The following FUT8 variants were observed in gnomAD, a reference collection of about 807,000 sequenced individuals.
FUT8 encodes the protein alpha-(1,6)-fucosyltransferase.
Under a neutral mutation model 71.3 loss-of-function variants are expected in FUT8, and 29 were observed. The observed-to-expected ratio is 0.41, with a 90% CI of 0.30 to 0.55. The LOEUF (loss-of-function observed/expected upper bound fraction) is 0.55. Ranked by LOEUF, FUT8 falls within the 20% of genes least tolerant of loss-of-function variation. FUT8 has a pLI of 0.34. For synonymous variants in FUT8, 254 were observed against 239.3 expected, an observed-to-expected ratio of 1.06 and a Z score of -0.57; for missense variants, 544 against 702.1, an observed-to-expected ratio of 0.77 and a Z score of 2.55.
In FUT8 at chr14:65,669,212, C is replaced by G; in HGVS notation, c.598-31C>G. On this transcript the variant is annotated intron_variant, in intron 6 of 10. Coordinates refer to ENST00000673929, the MANE Select transcript of FUT8 (RefSeq NM_001371533.1). This position sits in a 1 kb window ranked among gnomAD's most constrained non-coding sequence, Gnocchi z 4.5. ...CAGTTGACCTCTCTGTACAACTTAT[C>G]TTTATTTTCATTTCTCTTTCTCCCT... 6.4e-7 allele frequency: 1 copy of G among 1,550,560 alleles called. No individual in the cohort carries two copies. The highest frequency in any genetic ancestry group is 8.9e-7 in the Non-Finnish European group (1 of 1,126,456).
the FUT8 span, among the ~76,000 whole-genome samples, chr14:65,364,940 G>A: frequency 6.4e-4 from 98 of 152,224 alleles, no homozygotes; most frequent in African/African-American, 1.7e-3. Context: ...AGGGCTTGCC[G>A]TCCACACACA....
intron 3 of FUT8, among the ~76,000 whole-genome samples, chr14:65,606,579 T>G (rs1888603192): frequency 6.6e-6 from 1 of 151,886 alleles, no homozygotes; most frequent in African/African-American, 2.4e-5. Context: ...TTATTTTTCC[T>G]TTCCATATTA....
intron 3 of FUT8, among the ~76,000 whole-genome samples, chr14:65,563,657 C>T (rs1040833740): frequency 2.6e-5 from 4 of 151,938 alleles, no homozygotes; most frequent in Non-Finnish European, 4.4e-5. Flanking sequence ...AAAGATTTTT[C>T]CCCTTAACAA....
intron 1 of FUT8, among the ~76,000 whole-genome samples, chr14:65,414,849 G>A (rs1431581864): frequency 6.6e-6 from 1 of 152,184 alleles, no homozygotes; most frequent in East Asian, 1.9e-4. Context: ...AACTTGAAGA[G>A]TGTCTTGTGT....
intron 1 of FUT8, among the ~76,000 whole-genome samples, chr14:65,425,929 A>G (rs1223950887): frequency 6.6e-6 from 1 of 151,764 alleles, no homozygotes; most frequent in Non-Finnish European, 1.5e-5. Flanking sequence ...GTGAGCTGAG[A>G]TCACGCCACT....
intron 2 of FUT8, among the ~76,000 whole-genome samples, chr14:65,535,036 A>G (rs1009516485): frequency 8.0e-5 from 12 of 150,760 alleles, no homozygotes; most frequent in Admixed American, 5.3e-4. Flanking sequence ...TCTAATATAT[A>G]TGTATATATG....
At chr14:65,657,365 C>G (rs1042098095) in intron 6 of FUT8, among the ~76,000 whole-genome samples, 2 of 152,150 alleles carry the variant, frequency 1.3e-5, no homozygotes, top group African/African-American at 4.8e-5. Context: ...GAAATATTTG[C>G]ACTTCCATGT....
chr14:65,640,751 A>G (rs1890786278), intron 6 of FUT8, among the ~76,000 whole-genome samples: 1 of 151,060 alleles, frequency 6.6e-6, no homozygotes, highest in Admixed American at 6.6e-5. Context: ...AAGAGAACTG[A>G]TATATTATGG....
chr14:65,607,369 C>G lies in FUT8; in HGVS notation c.204-8609C>G, dbSNP rs1401835802. 6.6e-6 allele frequency among the ~76,000 whole-genome samples: 1 copy of G among 151,806 alleles called. No individual in the cohort carries two copies. The highest frequency in any genetic ancestry group is 2.1e-4 in the South Asian group (1 of 4,782). ...TTACTGAATTAAAGAGTTTACCTTCCATTCATTCTTTCTTGTTAAGGTGTT... is the reference window on the plus strand; with the variant it reads ...TTACTGAATTAAAGAGTTTACCTTCGATTCATTCTTTCTTGTTAAGGTGTT... On this transcript the variant is annotated intron_variant, in intron 3 of 10. Coordinates refer to ENST00000673929, the MANE Select transcript of FUT8 (RefSeq NM_001371533.1). This position sits in a 1 kb window ranked among gnomAD's most constrained non-coding sequence, Gnocchi z 4.1.
chr14:65,525,730 T>G (rs922375653), intron 2 of FUT8, among the ~76,000 whole-genome samples: 3 of 152,254 alleles, frequency 2.0e-5, no homozygotes, highest in African/African-American at 7.2e-5. Context: ...CAGACTGCTT[T>G]AAATGTGTCC....
At chr14:65,617,541 C>T (rs911742958) in intron 5 of FUT8, among the ~76,000 whole-genome samples, 2 of 152,158 alleles carry the variant, frequency 1.3e-5, no homozygotes, top group Non-Finnish European at 2.9e-5. Context: ...TTGCTTATCA[C>T]AGTTTTTTAG....
At chr14:65,403,651 C>A in the FUT8 span, among the ~76,000 whole-genome samples, 1 of 151,918 alleles carries the variant, frequency 6.6e-6, no homozygotes, top group African/African-American at 2.4e-5. Context: ...ATTTTTGCCT[C>A]TGAAAAGCTG....
chr14:65,449,440 A>G lies in FUT8; in HGVS notation c.-325-6181A>G, dbSNP rs567282143. On this transcript the variant is annotated intron_variant, in intron 1 of 10. Coordinates refer to ENST00000673929, the MANE Select transcript of FUT8 (RefSeq NM_001371533.1). Reference sequence around the variant, plus strand: ...ACCTTAACTATTTTTCTTTTTGCCAAAACAGAAAGAATGCGGCTTCCGTTG... The same window carrying G: ...ACCTTAACTATTTTTCTTTTTGCCAGAACAGAAAGAATGCGGCTTCCGTTG... Among the ~76,000 whole-genome samples the G allele has an allele frequency of 3.9e-5, 6 of 152,232 alleles. No homozygotes were observed. The South Asian group carries it at 1.0e-3, about 26-fold the overall frequency.
chr14:65,406,443 C>T (rs1214830755), upstream of FUT8, among the ~76,000 whole-genome samples: 1 of 152,184 alleles, frequency 6.6e-6, no homozygotes, highest in African/African-American at 2.4e-5. Context: ...GCAAGTCAAC[C>T]GCAAGGAGAC....
At chr14:65,617,953 A>T (rs1889369814) in intron 5 of FUT8, among the ~76,000 whole-genome samples, 1 of 149,480 alleles carries the variant, frequency 6.7e-6, no homozygotes, top group South Asian at 2.1e-4. Flanking sequence ...CAAAAAAAAG[A>T]TTTGAGTAAT....
At chr14:65,392,623 G>A in the FUT8 span, among the ~76,000 whole-genome samples, 1 of 152,148 alleles carries the variant, frequency 6.6e-6, no homozygotes, top group Non-Finnish European at 1.5e-5. Context: ...CATGAAGTTT[G>A]TTTTGTCACA....
intron 6 of FUT8, among the ~76,000 whole-genome samples, chr14:65,666,572 G>A (rs1217088310): frequency 2.0e-5 from 3 of 151,862 alleles, no homozygotes; most frequent in Non-Finnish European, 4.4e-5. Flanking sequence ...CCCAGGACCA[G>A]ATAGCTAAAT....
intron 2 of FUT8, among the ~76,000 whole-genome samples, chr14:65,492,470 G>A (rs774951800): frequency 4.6e-5 from 7 of 152,224 alleles, no homozygotes; most frequent in East Asian, 1.9e-4. Context: ...GTTTTTGTAC[G>A]TCACTTCCTT....
chr14:65,593,721 C>T (rs1887814346), intron 3 of FUT8, among the ~76,000 whole-genome samples: 2 of 152,190 alleles, frequency 1.3e-5, no homozygotes, highest in African/African-American at 4.8e-5. Context: ...GGATTACAGG[C>T]ATGCGCCTCC....
Sources: gnomAD v4.1 joint callset for allele counts (sites outside exome capture counted in the v4.1 genomes callset) on GRCh38, gnomAD v4.1.1 for gene constraint, Gnocchi (gnomAD v3.1) non-coding constraint, MANE v1.5 for transcripts, NCBI Gene and HGNC (gene_info 2026-07-23, HGNC 2026-07-21) for gene names.